The following FBXW10B variants were observed in gnomAD, a reference collection of about 807,000 sequenced individuals.
FBXW10B encodes F-box and WD repeat domain containing 10B.
chr17:15,594,981 C>A, the FBXW10B span: 13 of 1,553,310 alleles, frequency 8.4e-6, no homozygotes, highest in African/African-American at 2.7e-5. Flanking sequence ...CCAAAGCCAC[C>A]CCCCAACCAA....
At chr17:15,616,690 T>A in the FBXW10B span, among the ~76,000 whole-genome samples, 1 of 151,160 alleles carries the variant, frequency 6.6e-6, no homozygotes, top group African/African-American at 2.4e-5. Flanking sequence ...GCACCTGTAG[T>A]CCCAGCTACT....
the FBXW10B span, among the ~76,000 whole-genome samples, chr17:15,614,633 C>T: frequency 1.3e-5 from 2 of 151,958 alleles, no homozygotes; most frequent in African/African-American, 2.4e-5. Flanking sequence ...AAATTTTAAA[C>T]AACTTAAGAA....
chr17:15,609,422 C>T, the FBXW10B span, among the ~76,000 whole-genome samples: 2 of 152,160 alleles, frequency 1.3e-5, no homozygotes, highest in African/African-American at 2.4e-5. Context: ...TAAATAATGC[C>T]GCCCTGGATT....
Sources: allele counts gnomAD v4.1 joint callset (sites outside exome capture counted in the v4.1 genomes callset), GRCh38; gene constraint gnomAD v4.1.1; transcripts MANE v1.5; gene names NCBI Gene and HGNC (gene_info 2026-07-23, HGNC 2026-07-21).